C2: variants seen among roughly 807,000 people sequenced by gnomAD.
C2 encodes complement C2, also known as C3/C5 convertase.
Under a neutral mutation model 85.2 loss-of-function variants are expected in C2, and 64 were observed. The observed-to-expected ratio is 0.75, with a 90% CI of 0.61 to 0.92. C2 has a LOEUF of 0.92. C2 is among the 40% of genes least tolerant of loss of function. C2 has a pLI of 0.00. For synonymous variants in C2, 311 were observed against 370.8 expected (o/e 0.84, Z 1.85); for missense variants, 820 against 971.6 (o/e 0.84, Z 2.07).
At chr6:31,937,561 GC>G in intron 8 of C2, 102 bp downstream of exon 8, 1 of 1,471,300 alleles carries the variant, frequency 6.8e-7, no homozygotes, top group Non-Finnish European at 9.5e-7. Flanking sequence ...GCCACTTTGG[GC>G]CCCAGTTTTG....
upstream of C2, chr6:31,897,814 G>A (rs1428850952): frequency 7.9e-6 from 8 of 1,007,482 alleles, no homozygotes; most frequent in East Asian, 6.0e-4. Flanking sequence ...CCTCGGAGAT[G>A]GCTGTGACTG....
upstream of C2, among the ~76,000 whole-genome samples, chr6:31,925,468 T>A (rs1252883999): frequency 6.6e-6 from 1 of 152,128 alleles, no homozygotes; most frequent in Non-Finnish European, 1.5e-5. Flanking sequence ...AATTTTTGTA[T>A]TTTTAGTAGA....
At chr6:31,898,643 C>CT (rs75322477), upstream of C2, among the ~76,000 whole-genome samples, 15,112 of 135,622 alleles carry the variant, frequency 0.11, 921 homozygotes, top group South Asian at 0.2. Flanking sequence ...CCAAACTTAG[C>CT]TTTTTTTTTT....
chr6:31,901,353 C>G, intron 1 of C2: 1 of 1,562,560 alleles, frequency 6.4e-7, no homozygotes, highest in Non-Finnish European at 8.7e-7. Context: ...CGGTCAGAGA[C>G]AAAGGTCTCT....
chr6:31,939,360 G>C, intron 9 of C2, 40 bp downstream of exon 9: 1 of 1,445,400 alleles, frequency 6.9e-7, no homozygotes, highest in Non-Finnish European at 9.7e-7. Context: ...TTCTGCTCCT[G>C]CAGAGGTCAT....
At chr6:31,925,050 C>T (rs188144048), upstream of C2, among the ~76,000 whole-genome samples, 1 of 152,132 alleles carries the variant, frequency 6.6e-6, no homozygotes, top group Non-Finnish European at 1.5e-5. Flanking sequence ...GCTATGAGGG[C>T]TAGGGAGGAA....
rs777520299 is a variant in C2 at position 31,933,860 on chromosome 6, C to T, written c.617-7C>T. 1.4e-5 allele frequency: 23 copies of T among 1,613,810 alleles called. No homozygotes were observed. Among genetic ancestry groups the T allele is most frequent in the Non-Finnish European group, 1.8e-5 (21 of 1,179,826 alleles). On this transcript the variant is annotated splice_region_variant and splice_polypyrimidine_tract_variant and intron_variant, in intron 4 of 17. Transcript: ENST00000299367. ...CCCGGCTGACTCCTGTGTGGCTCTC[C>T]CCACAGAACCCTACTCTTATGACTT... is the stretch of plus-strand genomic sequence containing the variant.
At chr6:31,905,012 A>G (rs1255193524) in intron 1 of C2, among the ~76,000 whole-genome samples, 2 of 152,104 alleles carry the variant, frequency 1.3e-5, no homozygotes, top group African/African-American at 2.4e-5. Flanking sequence ...GGGGTTTACA[A>G]TCATCTAGAT....
chr6:31,934,599 C>T, intron 6 of C2: 3 of 1,411,654 alleles, frequency 2.1e-6, no homozygotes, highest in Non-Finnish European at 2.8e-6. Flanking sequence ...AGTGAGATAA[C>T]CCACAGGAGT....
At chr6:31,931,964 G>A (rs1290593869) in intron 3 of C2, among the ~76,000 whole-genome samples, 18 of 131,530 alleles carry the variant, frequency 1.4e-4, no homozygotes, top group Non-Finnish European at 1.5e-4. Context: ...CCTCCCTCCC[G>A]GACGGGGCGG....
In C2 at chr6:31,943,267, T is replaced by C; in HGVS notation, c.1403T>C (p.Met468Thr). 6.2e-7 allele frequency: 1 copy of C among 1,613,012 alleles called. No individual in the cohort carries two copies. Among genetic ancestry groups the C allele is most frequent in the Non-Finnish European group, 8.5e-7 (1 of 1,180,000 alleles). Reference protein sequence around the residue: ...LTDTICGVGNMSANASDQERT... With the variant: ...LTDTICGVGNTSANASDQERT... ...GACACCATCTGCGGGGTGGGGAACA[T>C]GTCAGCAAACGCCTCTGACCAGGAG... The change falls in exon 11 of 18, where the codon ATG becomes ACG. Residue 468 changes from methionine to threonine, a missense_variant. Coordinates refer to ENST00000299367, the MANE Select transcript of C2 (RefSeq NM_000063.6). This position sits in a 1 kb window ranked among gnomAD's most constrained non-coding sequence, Gnocchi z 6.4.
intron 1 of C2, among the ~76,000 whole-genome samples, chr6:31,906,426 C>G (rs1397619315): frequency 6.6e-6 from 1 of 151,876 alleles, no homozygotes; most frequent in Non-Finnish European, 1.5e-5. Context: ...CTTCCCTCCC[C>G]CTCCTACCTC....
At chr6:31,937,265 C>A (rs1770498438) in intron 7 of C2, 54 bp from the exon 8 acceptor site, 2 of 1,598,168 alleles carry the variant, frequency 1.3e-6, no homozygotes, top group African/African-American at 2.7e-5. Context: ...TTCCCTACCC[C>A]TAGGTGGTAG....
intron 1 of C2, among the ~76,000 whole-genome samples, chr6:31,903,953 G>A (rs1350554262): frequency 1.3e-5 from 2 of 151,738 alleles, no homozygotes; most frequent in Non-Finnish European, 2.9e-5. Context: ...TGTGTCAGAC[G>A]CACCTAGGCT....
intron 3 of C2, among the ~76,000 whole-genome samples, chr6:31,931,269 T>C (rs2151746277): frequency 6.6e-6 from 1 of 151,736 alleles, no homozygotes; most frequent in South Asian, 2.1e-4. Context: ...ATTCTTTTTT[T>C]TTTTTTTTTT....
In C2 at chr6:31,921,180, A is replaced by G. The variant is rs953261458; in HGVS notation, c.-100+1154A>G. On this transcript the variant is annotated intron_variant, in intron 1 of 3. Coordinates refer to the C2 transcript ENST00000413154. This position sits in a 1 kb window ranked among gnomAD's most constrained non-coding sequence, Gnocchi z 4.6. ...ATTTTTATTAAAAAAGAAATGGATG[A>G]GAAACCAAAGCCAATTCTGTTGCTG... 1.3e-5 allele frequency among the ~76,000 whole-genome samples: 2 copies of G among 152,128 alleles called. No individual in the cohort carries two copies. Among genetic ancestry groups the G allele is most frequent in the Non-Finnish European group, 2.9e-5 (2 of 68,038 alleles).
At chr6:31,905,158 G>T (rs1047653171) in intron 1 of C2, among the ~76,000 whole-genome samples, 1 of 152,052 alleles carries the variant, frequency 6.6e-6, no homozygotes, top group Non-Finnish European at 1.5e-5. Context: ...TTTGGGTCAG[G>T]CTCAATGGTT....
At chr6:31,905,102 G>T (rs771820025) in intron 1 of C2, among the ~76,000 whole-genome samples, 3 of 151,998 alleles carry the variant, frequency 2.0e-5, no homozygotes, top group Non-Finnish European at 1.5e-5. Flanking sequence ...CAAATGCCTT[G>T]GTGTGGTGTC....
intron 7 of C2, 103 bp from the exon 8 acceptor site, chr6:31,937,216 A>T (rs989493407): frequency 6.5e-6 from 9 of 1,390,822 alleles, no homozygotes; most frequent in Non-Finnish European, 8.1e-6. Context: ...CAAAAAAAAA[A>T]AAAAAATTGC....
Sources: allele counts gnomAD v4.1 joint callset (sites outside exome capture counted in the v4.1 genomes callset), GRCh38; gene constraint gnomAD v4.1.1; non-coding constraint Gnocchi (gnomAD v3.1); transcripts MANE v1.5; gene names NCBI Gene and HGNC (gene_info 2026-07-23, HGNC 2026-07-21).